Variants in PHF21B observed in about 807,000 individuals in gnomAD.
PHF21B encodes the protein PHD finger protein 4.
Under a neutral mutation model 62.2 loss-of-function variants are expected in PHF21B, and 22 were observed. The ratio of observed to expected loss-of-function variants is 0.35; its 90% CI spans 0.25 to 0.51. PHF21B has a LOEUF of 0.51. PHF21B is among the 20% of genes least tolerant of loss of function. The probability of loss-of-function intolerance (pLI) is 0.97; values close to 1 mark genes in which losing one functional copy is unlikely to be tolerated. For missense variants in PHF21B, 701 were observed against 707.9 expected (o/e 0.99, Z 0.11); for synonymous variants, 341 against 314.7 (o/e 1.08, Z -0.88).
rs115706866 is a variant in PHF21B, at chr22:44,999,695, G to A, written c.120+8850C>T. On this transcript the variant is annotated intron_variant, in intron 2 of 12. Coordinates refer to ENST00000313237, the MANE Select transcript of PHF21B (RefSeq NM_138415.5). Reference sequence around the variant, plus strand: ...TACGCTGTCATTTCTCCCCCTACACGTGCCAGTGTTGGAGTTAAGGTCACG... The same window carrying A: ...TACGCTGTCATTTCTCCCCCTACACATGCCAGTGTTGGAGTTAAGGTCACG... Among the ~76,000 whole-genome samples the A allele has an allele frequency of 3.8e-3, 581 of 152,072 alleles. 5 individuals carry two copies. The highest frequency in any genetic ancestry group is 0.013 in the African/African-American group (543 of 41,450).
At position 45,009,239 on chromosome 22, in the gene PHF21B, T is replaced by A; in HGVS notation, c.54+257A>T. 2.0e-6 allele frequency: 1 copy of A among 494,256 alleles called. No homozygotes were observed. The highest frequency in any genetic ancestry group is 3.5e-6 in the Non-Finnish European group (1 of 288,182). The allele number at this position is 494,256 out of a possible 1,614,324, so 30.6% of individuals were successfully genotyped here. On this transcript the variant is annotated intron_variant, in intron 1 of 12. Transcript: ENST00000313237. This position sits in a 1 kb window ranked among gnomAD's most constrained non-coding sequence, Gnocchi z 5.9. ...CCCTCCCAGTCATGCAGACCCTACA[T>A]CGCTTAAGAGAAGACTCCAGGCTCG...
chr22:44,989,712 C>T (rs886071194), intron 2 of PHF21B, among the ~76,000 whole-genome samples: 2 of 146,484 alleles, frequency 1.4e-5, no homozygotes, highest in African/African-American at 2.5e-5. Flanking sequence ...CAGGTTCAAG[C>T]GATTCTCGTG....
chr22:44,913,609 A>G (rs1040037735), intron 5 of PHF21B, among the ~76,000 whole-genome samples: 4 of 152,222 alleles, frequency 2.6e-5, no homozygotes, highest in Non-Finnish European at 5.9e-5. Context: ...ACTGCCTCAC[A>G]CTGCCGTTCA....
At chr22:44,948,802 T>G (rs914940568) in intron 2 of PHF21B, among the ~76,000 whole-genome samples, 3 of 152,360 alleles carry the variant, frequency 2.0e-5, no homozygotes, top group African/African-American at 4.8e-5. Context: ...ATATTCCACT[T>G]TGACTTTTAT....
At chr22:44,999,621 G>A (rs1429741263) in intron 2 of PHF21B, among the ~76,000 whole-genome samples, 2 of 152,110 alleles carry the variant, frequency 1.3e-5, no homozygotes, top group African/African-American at 4.8e-5. Context: ...TTATCTGACC[G>A]TGTGCCCCGG....
At chr22:44,999,449 G>T (rs146102440) in intron 2 of PHF21B, among the ~76,000 whole-genome samples, 1,534 of 152,120 alleles carry the variant, frequency 0.01, 19 homozygotes, top group Middle Eastern at 0.061. Flanking sequence ...ACACTCCCCG[G>T]TGCTAAGCCA....
chr22:44,896,195 C>T (rs1404929909), intron 5 of PHF21B, 112 bp from the exon 6 acceptor site: 2 of 1,119,184 alleles, frequency 1.8e-6, no homozygotes, highest in South Asian at 1.2e-5. Flanking sequence ...GGTGCCCTAA[C>T]CACAGAGGCC....
intron 2 of PHF21B, among the ~76,000 whole-genome samples, chr22:44,984,637 G>A (rs1356750423): frequency 6.6e-6 from 1 of 152,258 alleles, no homozygotes; most frequent in Non-Finnish European, 1.5e-5. Context: ...GAGAATGAAA[G>A]TGCGTGACAT....
chr22:44,927,825 C>T (rs71330772), intron 2 of PHF21B, among the ~76,000 whole-genome samples: 305 of 152,312 alleles, frequency 2.0e-3, no homozygotes, highest in South Asian at 7.7e-3. Context: ...AGGTAGTTTA[C>T]AGCCGCACTT....
At position 44,904,636 on chromosome 22, in the gene PHF21B, C is replaced by A. The variant is rs1328221460; in HGVS notation, c.832-8553G>T. 5.2e-5 allele frequency among the ~76,000 whole-genome samples: 7 copies of A among 134,194 alleles called. 2 individuals carry two copies. Among genetic ancestry groups the A allele is most frequent in the Non-Finnish European group, 1.1e-4 (7 of 63,676 alleles). 88.0% of individuals were successfully genotyped at this position (134,194 alleles called of 152,430 possible). On this transcript the variant is annotated intron_variant, in intron 5 of 12. Coordinates refer to ENST00000313237, the MANE Select transcript of PHF21B (RefSeq NM_138415.5). Reference sequence around the variant, plus strand: ...ATGAGCAGAGCATCGGCAGACTGGGCAAGAAGTGTTAGTGTCGTCAGAGGC... The same window carrying A: ...ATGAGCAGAGCATCGGCAGACTGGGAAAGAAGTGTTAGTGTCGTCAGAGGC...
In PHF21B at chr22:44,885,918, A is replaced by G; in HGVS notation, c.1218T>C (p.Gly406=). The stretch of plus-strand genomic sequence containing the variant: ...TGGCCAGCATCCCAGTCCAGGGCAC[A>G]CCCTCGTCTTTCTTTAAGGCCTGGG... ...CQQKALKKDE[G]VPWTGMLAIV... The change falls in exon 11 of 13, where the codon GGT becomes GGC. Residue 406 remains glycine, a synonymous_variant. Coordinates refer to ENST00000313237, the MANE Select transcript of PHF21B (RefSeq NM_138415.5). 1.2e-6 allele frequency: 2 copies of G among 1,614,044 alleles called. No homozygotes were observed. Among genetic ancestry groups the G allele is most frequent in the Non-Finnish European group, 1.7e-6 (2 of 1,179,970 alleles).
intron 7 of PHF21B, among the ~76,000 whole-genome samples, chr22:44,893,125 G>A (rs1019010894): frequency 7.2e-5 from 11 of 152,092 alleles, no homozygotes; most frequent in Admixed American, 7.2e-4. Context: ...GGGAGGCCAG[G>A]GTGTCCAGCC....
chr22:44,954,340 C>T (rs1214631866), intron 2 of PHF21B, among the ~76,000 whole-genome samples: 3 of 152,370 alleles, frequency 2.0e-5, no homozygotes, highest in East Asian at 3.9e-4. Context: ...GGCTGCCCTT[C>T]CTCCAGGCCC....
intron 3 of PHF21B, among the ~76,000 whole-genome samples, chr22:44,917,462 C>T (rs115737663): frequency 0.02 from 3,018 of 152,242 alleles, 117 homozygotes; most frequent in African/African-American, 0.069. Context: ...GAACCAGGAG[C>T]GCCACATGCC....
intron 2 of PHF21B, chr22:44,988,978 G>A (rs2072999405): frequency 6.6e-6 from 1 of 152,130 alleles, no homozygotes; most frequent in Admixed American, 6.5e-5. Flanking sequence ...TCTTTTATAA[G>A]GGCACTAATC....
At chr22:44,884,612 A>AATCACCACCATAATCACCATT (rs2070818122) in intron 12 of PHF21B, among the ~76,000 whole-genome samples, 1 of 138,784 alleles carries the variant, frequency 7.2e-6, no homozygotes, top group East Asian at 2.3e-4. Flanking sequence ...CCATCACCAT[A>AATCACCACCATAATCACCATT]ATCACCACCA....
In PHF21B at chr22:44,882,071, C is replaced by CA. The variant is rs1437829746; in HGVS notation, c.*1014dup. 6.5e-6 allele frequency: 1 copy of CA among 152,766 alleles called. No homozygotes were observed. The highest frequency in any genetic ancestry group is 2.4e-5 in the African/African-American group (1 of 41,454). 9.5% of individuals were successfully genotyped at this position (152,766 alleles called of 1,614,324 possible). ...CAGCCAGAGTCCCCCCAACCATTCACATTAAATATCTCACAATAAAAACGC... is the reference window on the plus strand; with the variant it reads ...CAGCCAGAGTCCCCCCAACCATTCACAATTAAATATCTCACAATAAAAACGC... On this transcript the variant is annotated 3_prime_UTR_variant, in exon 13 of 13. Coordinates refer to ENST00000313237, the MANE Select transcript of PHF21B (RefSeq NM_138415.5).
At chr22:44,903,632 A>C (rs77277192) in intron 5 of PHF21B, among the ~76,000 whole-genome samples, 5,288 of 152,256 alleles carry the variant, frequency 0.035, 291 homozygotes, top group African/African-American at 0.12. Context: ...TGTGTTCTGC[A>C]GATTTTGTCA....
In PHF21B at chr22:44,987,937, G is replaced by A. The variant is rs550429865; in HGVS notation, c.120+20608C>T. Among the ~76,000 whole-genome samples the A allele has an allele frequency of 1.9e-4, 29 of 152,272 alleles. No individual in the cohort carries two copies. The South Asian group carries it at 5.8e-3, about 30-fold the overall frequency. On this transcript the variant is annotated intron_variant, in intron 2 of 12. Coordinates refer to ENST00000313237, the MANE Select transcript of PHF21B (RefSeq NM_138415.5). ...ATCCCAAAATAAGGTGGGCCACCCT[G>A]AAGATCCACGTTGTCCAGACCTGGA...
Sources: gnomAD v4.1 joint callset for allele counts (sites outside exome capture counted in the v4.1 genomes callset) on GRCh38, gnomAD v4.1.1 for gene constraint, Gnocchi (gnomAD v3.1) non-coding constraint, MANE v1.5 for transcripts, NCBI Gene and HGNC (gene_info 2026-07-23, HGNC 2026-07-21) for gene names.